The following PBX1 variants were observed in gnomAD, a reference collection of about 807,000 sequenced individuals.
PBX1 encodes pre-B-cell leukemia transcription factor 1.
In PBX1, 6 loss-of-function variants were observed where a neutral mutation model predicts 53.4. The observed-to-expected ratio is 0.11, with a 90% CI of 0.06 to 0.22. PBX1 has a LOEUF of 0.22. Ranked by LOEUF, PBX1 falls within the 10% of genes least tolerant of loss-of-function variation. PBX1 has a pLI of 1.00. For synonymous variants in PBX1, 204 were observed against 212.3 expected (o/e 0.96, Z 0.34); for missense variants, 251 against 551.4 (o/e 0.46, Z 5.46).
Position 164,847,615 on chromosome 1 carries a change from A to G in PBX1, c.*939A>G, listed in dbSNP as rs969023069. 3 of 1,062,248 alleles carry G rather than the reference A, an allele frequency of 2.8e-6. No individual in the cohort carries two copies. The highest frequency in any genetic ancestry group is 5.4e-5 in the Admixed American group (1 of 18,628). The allele number at this position is 1,062,248 out of a possible 1,614,324, so 65.8% of individuals were successfully genotyped here. ...ACCCTTCAACCTCAACTATGCCTTC[A>G]TAGACACACACGTTCATGCACATGT... On this transcript the variant is annotated 3_prime_UTR_variant, in exon 9 of 9. Transcript: ENST00000420696.
At chr1:164,786,716 T>TGCGCGCGCGC (rs779103356) in intron 2 of PBX1, among the ~76,000 whole-genome samples, 3 of 99,336 alleles carry the variant, frequency 3.0e-5, no homozygotes, top group Admixed American at 9.8e-5. Flanking sequence ...TGTGTGTGTG[T>TGCGCGCGCGC]GTGTGCGCGC....
chr1:164,777,464 A>G (rs1667728306), intron 2 of PBX1, among the ~76,000 whole-genome samples: 1 of 152,176 alleles, frequency 6.6e-6, no homozygotes, highest in African/African-American at 2.4e-5. Flanking sequence ...AAGGGTCGAG[A>G]GATGAACAGC....
chr1:164,768,843 C>T (rs1348829466), intron 2 of PBX1, among the ~76,000 whole-genome samples: 3 of 149,874 alleles, frequency 2.0e-5, no homozygotes, highest in Non-Finnish European at 3.0e-5. Context: ...CACTTGAGGC[C>T]AGTAGTTCAA....
intron 7 of PBX1, among the ~76,000 whole-genome samples, chr1:164,820,656 C>G (rs1267301469): frequency 6.6e-6 from 1 of 152,174 alleles, no homozygotes; most frequent in African/African-American, 2.4e-5. Context: ...GCCAGGTTGA[C>G]TAAATACATT....
At chr1:164,775,255 G>A (rs1193366292) in intron 2 of PBX1, among the ~76,000 whole-genome samples, 1 of 152,166 alleles carries the variant, frequency 6.6e-6, no homozygotes, top group Non-Finnish European at 1.5e-5. Flanking sequence ...AGGACCCACT[G>A]TCAAAGATCA....
intron 2 of PBX1, among the ~76,000 whole-genome samples, chr1:164,698,452 G>A (rs1324438302): frequency 6.6e-6 from 1 of 152,158 alleles, no homozygotes; most frequent in Non-Finnish European, 1.5e-5. Flanking sequence ...GGTGTTGAGT[G>A]AGAAATTTTT....
At chr1:164,638,455 GTA>G (rs1186101747) in intron 2 of PBX1, among the ~76,000 whole-genome samples, 1 of 152,228 alleles carries the variant, frequency 6.6e-6, no homozygotes, top group Non-Finnish European at 1.5e-5. Flanking sequence ...ACGTTGACTT[GTA>G]AGCAGGAAGA....
chr1:164,749,645 T>A lies in PBX1; in HGVS notation c.266-42849T>A, dbSNP rs974696903. Among the ~76,000 whole-genome samples the A allele has an allele frequency of 7.2e-5, 11 of 152,236 alleles. No individual in the cohort carries two copies. In the South Asian group the frequency reaches 8.3e-4, roughly 11 times the overall value. On this transcript the variant is annotated intron_variant, in intron 2 of 8. Transcript: ENST00000420696. ...GACCCTTTGACCACAAAAAAACTTT[T>A]TAGAAGTACAGTAGCTGGGGGATGA...
At chr1:164,825,669 A>C (rs1196897456) in intron 8 of PBX1, among the ~76,000 whole-genome samples, 1 of 152,210 alleles carries the variant, frequency 6.6e-6, no homozygotes. Context: ...ATAAGATTCA[A>C]ATCAGCAGTA....
intron 3 of PBX1, among the ~76,000 whole-genome samples, chr1:164,799,414 C>T (rs1319530813): frequency 1.3e-5 from 2 of 152,124 alleles, no homozygotes; most frequent in African/African-American, 2.4e-5. Flanking sequence ...TGGCGTGAAC[C>T]CGGGAGGCGG....
chr1:164,811,408 A>C (rs912469955), intron 5 of PBX1, among the ~76,000 whole-genome samples: 1 of 152,256 alleles, frequency 6.6e-6, no homozygotes, highest in Admixed American at 6.5e-5. Flanking sequence ...CCTTATGTAG[A>C]TAACACTAAG....
rs112745235 is a variant in PBX1 at position 164,758,700 on chromosome 1, CT to C, written c.266-33781del. On this transcript the variant is annotated intron_variant, in intron 2 of 8. Coordinates refer to ENST00000420696, the MANE Select transcript of PBX1 (RefSeq NM_002585.4). ...CCTTCAAAGTATGAGAGTTAGATCA[CT>C]TTTTTTTTTTTTCCTCATGCTCCTT... Among the ~76,000 whole-genome samples, 536 of 146,340 alleles carry C rather than the reference CT, an allele frequency of 3.7e-3. 2 individuals are homozygous for C. The highest frequency in any genetic ancestry group is 0.014 in the East Asian group (70 of 5,012).
chr1:164,699,987 T>G (rs1304680187), intron 2 of PBX1, among the ~76,000 whole-genome samples: 1 of 152,140 alleles, frequency 6.6e-6, no homozygotes, highest in Admixed American at 6.5e-5. Flanking sequence ...GGAGGGGACT[T>G]AATACTGAGA....
chr1:164,660,917 C>A (rs918577327), intron 2 of PBX1, among the ~76,000 whole-genome samples: 4 of 152,156 alleles, frequency 2.6e-5, no homozygotes, highest in African/African-American at 9.7e-5. Context: ...ACTAAGTTAC[C>A]TACCTTACTG....
chr1:164,748,944 A>G (rs568008504), intron 2 of PBX1, among the ~76,000 whole-genome samples: 2 of 152,264 alleles, frequency 1.3e-5, no homozygotes, highest in African/African-American at 4.8e-5. Flanking sequence ...CAAAAAGAGC[A>G]AGCTCACCAC....
chr1:164,560,878 A>G (rs913445817), intron 1 of PBX1, among the ~76,000 whole-genome samples: 3 of 152,182 alleles, frequency 2.0e-5, no homozygotes, highest in African/African-American at 7.2e-5. Flanking sequence ...AAATGAAAGC[A>G]TTTATGAATT....
chr1:164,608,092 C>T (rs1469614366), intron 2 of PBX1, among the ~76,000 whole-genome samples: 1 of 152,210 alleles, frequency 6.6e-6, no homozygotes, highest in Non-Finnish European at 1.5e-5. Flanking sequence ...AGAGTGCCTT[C>T]ATCCATTAGT....
At chr1:164,709,521 G>A (rs540096801) in intron 2 of PBX1, among the ~76,000 whole-genome samples, 9 of 152,094 alleles carry the variant, frequency 5.9e-5, no homozygotes, top group Non-Finnish European at 1.0e-4. Flanking sequence ...ATGGCAACTC[G>A]GGAAAGACCA....
At chr1:164,732,665 A>G (rs557327018) in intron 2 of PBX1, among the ~76,000 whole-genome samples, 1 of 152,160 alleles carries the variant, frequency 6.6e-6, no homozygotes, top group Non-Finnish European at 1.5e-5. Flanking sequence ...TTTCTCAGTA[A>G]GAATCTCTCT....
Sources: allele counts gnomAD v4.1 joint callset (sites outside exome capture counted in the v4.1 genomes callset), GRCh38; gene constraint gnomAD v4.1.1; transcripts MANE v1.5; gene names NCBI Gene and HGNC (gene_info 2026-07-23, HGNC 2026-07-21).